TBCK: variants seen among roughly 807,000 people sequenced by gnomAD.
The protein encoded by TBCK is TBC domain-containing protein kinase-like protein.
Under a neutral mutation model 113.4 loss-of-function variants are expected in TBCK, and 99 were observed. The ratio of observed to expected loss-of-function variants is 0.87; its 90% CI spans 0.74 to 1.03. TBCK has a LOEUF of 1.03. TBCK is among the 50% of genes least tolerant of loss of function. The pLI is 0.00. For synonymous variants in TBCK, 369 were observed against 370.8 expected (o/e 1.00, Z 0.05); for missense variants, 1,045 against 1,061.3 (o/e 0.98, Z 0.21).
Position 106,042,755 on chromosome 4 carries a change from G to C in TBCK, c.*3815C>G, listed in dbSNP as rs964667601. ...TCTGGCACCACTGTGTCCTCTAAAA[G>C]TTTTATATAATTCATTGTTTTCCTT... On this transcript the variant is annotated 3_prime_UTR_variant, in exon 26 of 26. Coordinates refer to ENST00000394708, the MANE Select transcript of TBCK (RefSeq NM_001163435.3). 1 of 152,112 alleles carries C rather than the reference G, an allele frequency of 6.6e-6. No homozygotes were observed. The highest frequency in any genetic ancestry group is 1.5e-5 in the Non-Finnish European group (1 of 68,012). The allele number at this position is 152,112 out of a possible 1,614,324, so 9.4% of individuals were successfully genotyped here. A position where few individuals can be genotyped will look rare whatever the true frequency, so the allele number is the denominator to read the frequency against.
chr4:106,232,416 C>G (rs1758961131), intron 17 of TBCK, among the ~76,000 whole-genome samples: 1 of 151,166 alleles, frequency 6.6e-6, no homozygotes, highest in African/African-American at 2.4e-5. Flanking sequence ...ACAACACATT[C>G]AAAAATAGGG....
At chr4:106,143,572 A>G (rs1747386829) in intron 23 of TBCK, among the ~76,000 whole-genome samples, 2 of 152,226 alleles carry the variant, frequency 1.3e-5, no homozygotes, top group South Asian at 4.1e-4. Context: ...GATTTTTAAA[A>G]TCAGAAATAT....
chr4:106,084,464 G>A (rs574968593), intron 25 of TBCK, among the ~76,000 whole-genome samples: 70 of 152,268 alleles, frequency 4.6e-4, no homozygotes, highest in African/African-American at 1.6e-3. Flanking sequence ...ATGATCGACC[G>A]GAGTACCAGA....
intron 25 of TBCK, among the ~76,000 whole-genome samples, chr4:106,071,999 G>A (rs772957428): frequency 1.1e-4 from 17 of 152,028 alleles, no homozygotes; most frequent in Admixed American, 5.2e-4. Flanking sequence ...GTCTCTGCAC[G>A]TGACATGGGT....
chr4:106,212,767 T>G lies in TBCK; in HGVS notation c.1843A>C (p.Ile615Leu). Residue 615 changes from isoleucine (I) to leucine (L), a missense_variant, in exon 20 of 26, where the codon ATT becomes CTT. Physicochemically the swap from Ile to Leu is conservative, Grantham distance 5 (BLOSUM62 2). Transcript: ENST00000394708. ...GTACTTACATCTGGAATGAAACCAA[T>G]CTCATTGAGATGATTACTCAGCTCT... ...DPELSNHLNE[I>L]GFIPDLYAIP... 6.2e-7 allele frequency: 1 copy of G among 1,610,292 alleles called. No individual in the cohort carries two copies. The highest frequency in any genetic ancestry group is 8.5e-7 in the Non-Finnish European group (1 of 1,177,758).
At chr4:106,266,043 T>G (rs1157977698) in intron 3 of TBCK, among the ~76,000 whole-genome samples, 1 of 151,830 alleles carries the variant, frequency 6.6e-6, no homozygotes, top group East Asian at 1.9e-4. Context: ...TAATTTGGGA[T>G]AAACAGAGTT....
chr4:106,143,023 A>G (rs970002406), intron 23 of TBCK, among the ~76,000 whole-genome samples: 4 of 152,212 alleles, frequency 2.6e-5, no homozygotes, highest in African/African-American at 9.6e-5. Context: ...CCTAAGTGAA[A>G]TACTATATCC....
chr4:106,234,734 C>T (rs1042468313), intron 15 of TBCK, among the ~76,000 whole-genome samples: 9 of 152,150 alleles, frequency 5.9e-5, no homozygotes, highest in African/African-American at 1.4e-4. Flanking sequence ...TTGATGTCAT[C>T]GGAGTTCTCT....
chr4:106,288,745 C>T (rs1765374924), intron 3 of TBCK, among the ~76,000 whole-genome samples: 1 of 152,226 alleles, frequency 6.6e-6, no homozygotes, highest in South Asian at 2.1e-4. Context: ...ACAGGTTGAG[C>T]ATCCCTAATC....
chr4:106,164,549 A>G (rs950715289), intron 23 of TBCK: 2 of 151,884 alleles, frequency 1.3e-5, no homozygotes, highest in African/African-American at 4.8e-5. Context: ...GTTTCAATAA[A>G]TAAGAGTGAA....
intron 20 of TBCK, among the ~76,000 whole-genome samples, chr4:106,202,896 TATG>T (rs750665294): frequency 3.3e-5 from 5 of 152,128 alleles, no homozygotes; most frequent in Non-Finnish European, 5.9e-5. Flanking sequence ...TTTGATTTTT[TATG>T]ATATTTGTGC....
chr4:106,257,852 A>G (rs1762153023), intron 5 of TBCK, among the ~76,000 whole-genome samples: 1 of 152,098 alleles, frequency 6.6e-6, no homozygotes, highest in African/African-American at 2.4e-5. Flanking sequence ...TAGTGAATAT[A>G]TAGACATTAA....
chr4:106,157,567 C>A (rs1386661618), intron 23 of TBCK, among the ~76,000 whole-genome samples: 2 of 152,058 alleles, frequency 1.3e-5, no homozygotes, highest in African/African-American at 4.8e-5. Flanking sequence ...GTTTAAATAT[C>A]TTCTCTGAGG....
intron 25 of TBCK, among the ~76,000 whole-genome samples, chr4:106,071,372 G>A (rs1737412358): frequency 6.6e-6 from 1 of 152,100 alleles, no homozygotes; most frequent in Non-Finnish European, 1.5e-5. Context: ...AGTCATTCAG[G>A]AGCAGGTTGT....
At chr4:106,260,926 T>TTTAACTGTGAAATAGGAAAAC (rs1762448362) in intron 4 of TBCK, among the ~76,000 whole-genome samples, 1 of 152,046 alleles carries the variant, frequency 6.6e-6, no homozygotes, top group Non-Finnish European at 1.5e-5. Flanking sequence ...ATAGTTATAA[T>TTTAACTGTGAAATAGGAAAAC]TTAACTGTGA....
At chr4:106,294,390 G>A (rs1023969433) in intron 3 of TBCK, among the ~76,000 whole-genome samples, 4 of 152,068 alleles carry the variant, frequency 2.6e-5, no homozygotes, top group Non-Finnish European at 4.4e-5. Context: ...CACTTTGGGA[G>A]GGTGAGGCGG....
intron 3 of TBCK, among the ~76,000 whole-genome samples, chr4:106,263,380 CAT>C (rs1762674288): frequency 6.6e-6 from 1 of 151,756 alleles, no homozygotes; most frequent in African/African-American, 2.4e-5. Context: ...CCAATTAAAA[CAT>C]AAGGATTGTC....
intron 17 of TBCK, among the ~76,000 whole-genome samples, chr4:106,232,491 G>A: frequency 6.6e-6 from 1 of 150,930 alleles, no homozygotes; most frequent in Non-Finnish European, 1.5e-5. Flanking sequence ...AAAAATAAAA[G>A]ATATGAACCA....
chr4:106,148,312 A>C (rs1437965133), intron 23 of TBCK, among the ~76,000 whole-genome samples: 1 of 152,152 alleles, frequency 6.6e-6, no homozygotes, highest in Non-Finnish European at 1.5e-5. Context: ...GTCCCTAATA[A>C]AAACTTGCTG....
Sources: gnomAD v4.1 joint callset for allele counts (sites outside exome capture counted in the v4.1 genomes callset) on GRCh38, gnomAD v4.1.1 for gene constraint, MANE v1.5 for transcripts, NCBI Gene and HGNC (gene_info 2026-07-23, HGNC 2026-07-21) for gene names.